SLC6A11: variants seen among roughly 807,000 people sequenced by gnomAD.
SLC6A11 encodes the protein solute carrier family 6 member 11, also known as sodium- and chloride-dependent GABA transporter 3.
In SLC6A11, 25 loss-of-function variants were observed where a neutral mutation model predicts 74.8. The ratio of observed to expected loss-of-function variants is 0.33; its 90% confidence interval spans 0.24 to 0.47. The LOEUF (loss-of-function observed/expected upper bound fraction) is 0.47. Among genes scored for constraint, SLC6A11 ranks in the 20% least tolerant of loss-of-function variants. The probability of loss-of-function intolerance (pLI) is 1.00; values close to 1 mark genes in which losing one functional copy is unlikely to be tolerated. For missense variants in SLC6A11, 574 were observed against 837.0 expected, an observed-to-expected ratio of 0.69 and a Z score of 3.88; for synonymous variants, 330 against 330.2, an observed-to-expected ratio of 1.00 and a Z score of 0.01.
At chr3:10,858,299 C>A (rs1008813642) in intron 5 of SLC6A11, among the ~76,000 whole-genome samples, 8 of 152,204 alleles carry the variant, frequency 5.3e-5, no homozygotes, top group African/African-American at 1.9e-4. Flanking sequence ...TTAAAAAAAT[C>A]TTCGAGGATA....
At chr3:10,889,715 T>C (rs1695085800) in intron 6 of SLC6A11, among the ~76,000 whole-genome samples, 1 of 152,212 alleles carries the variant, frequency 6.6e-6, no homozygotes, top group Non-Finnish European at 1.5e-5. Context: ...TGGTGGTTTT[T>C]ATACACATGA....
At chr3:10,917,461 A>T (rs1695473294) in intron 7 of SLC6A11, among the ~76,000 whole-genome samples, 1 of 151,974 alleles carries the variant, frequency 6.6e-6, no homozygotes, top group South Asian at 2.1e-4. Flanking sequence ...CCCCTATAAA[A>T]TGGGGTATTA....
chr3:10,932,410 C>T (rs1258044247), intron 10 of SLC6A11, among the ~76,000 whole-genome samples: 1 of 152,180 alleles, frequency 6.6e-6, no homozygotes, highest in Non-Finnish European at 1.5e-5. Context: ...CAGGATTTAA[C>T]TTACGTTTAT....
intron 4 of SLC6A11, among the ~76,000 whole-genome samples, chr3:10,837,029 G>A (rs901480987): frequency 2.0e-5 from 3 of 152,154 alleles, no homozygotes; most frequent in African/African-American, 7.2e-5. Context: ...TCTGGCCTGG[G>A]AGTCCCTGGT....
At chr3:10,830,763 G>T (rs1694285267) in intron 4 of SLC6A11, among the ~76,000 whole-genome samples, 1 of 152,286 alleles carries the variant, frequency 6.6e-6, no homozygotes, top group Non-Finnish European at 1.5e-5. Context: ...GGCAGTCAAA[G>T]AGCCTGGAGA....
chr3:10,861,986 G>A (rs763657903), intron 5 of SLC6A11, among the ~76,000 whole-genome samples: 4 of 152,178 alleles, frequency 2.6e-5, no homozygotes, highest in Non-Finnish European at 5.9e-5. Flanking sequence ...GAACAAGGCA[G>A]CACCTTGCTC....
chr3:10,818,234 A>G (rs1694090102), intron 1 of SLC6A11, among the ~76,000 whole-genome samples: 2 of 151,234 alleles, frequency 1.3e-5, no homozygotes, highest in South Asian at 4.2e-4. Context: ...CACAGGTCAA[A>G]AGGCTTTCTG....
intron 10 of SLC6A11, among the ~76,000 whole-genome samples, 190 bp downstream of exon 10, chr3:10,929,529 A>G (rs1214639459): frequency 6.6e-6 from 1 of 152,102 alleles, no homozygotes; most frequent in Non-Finnish European, 1.5e-5. Flanking sequence ...CAGTGTCTTC[A>G]TGTGCAAGTG....
At chr3:10,827,316 C>T (rs181751429) in intron 4 of SLC6A11, among the ~76,000 whole-genome samples, 49 of 152,294 alleles carry the variant, frequency 3.2e-4, no homozygotes, top group African/African-American at 1.1e-3. Context: ...TACTCCACCC[C>T]CTGAATGCTA....
intron 4 of SLC6A11, among the ~76,000 whole-genome samples, chr3:10,837,824 C>T (rs1052180182): frequency 2.0e-5 from 3 of 152,182 alleles, no homozygotes; most frequent in Admixed American, 2.0e-4. Flanking sequence ...TGGACTCTGT[C>T]GGAGTCCCCC....
At chr3:10,882,323 G>A (rs968860239) in intron 6 of SLC6A11, among the ~76,000 whole-genome samples, 2 of 152,134 alleles carry the variant, frequency 1.3e-5, no homozygotes, top group Non-Finnish European at 2.9e-5. Flanking sequence ...CTAACGGGGT[G>A]CCCGCCCGAC....
At chr3:10,870,518 A>T (rs1217464488) in intron 5 of SLC6A11, among the ~76,000 whole-genome samples, 1 of 152,228 alleles carries the variant, frequency 6.6e-6, no homozygotes, top group Non-Finnish European at 1.5e-5. Context: ...GAAGAGTGGC[A>T]GTATGTGTGT....
rs529509088 is a variant in SLC6A11, at chr3:10,827,458, G to A, written c.623+4066G>A. Among the ~76,000 whole-genome samples the A allele has an allele frequency of 3.3e-5, 5 of 152,268 alleles. No individual in the cohort carries two copies. In the East Asian group the frequency reaches 5.8e-4, roughly 18 times the overall value. Reference sequence around the variant, plus strand: ...ATTTCTGTGTGACAGTACTCTTCAAGTATTGGATCAAGCTTCCTCAAAAAC... The same window carrying A: ...ATTTCTGTGTGACAGTACTCTTCAAATATTGGATCAAGCTTCCTCAAAAAC... On this transcript the variant is annotated intron_variant, in intron 4 of 13. Coordinates refer to ENST00000254488, the MANE Select transcript of SLC6A11 (RefSeq NM_014229.3).
At chr3:10,841,803 CTG>C (rs139143228) in intron 4 of SLC6A11, among the ~76,000 whole-genome samples, 1 of 151,822 alleles carries the variant, frequency 6.6e-6, no homozygotes, top group Non-Finnish European at 1.5e-5. Context: ...AGGCACATGT[CTG>C]TGTGTGTGTG....
chr3:10,834,723 C>T (rs992275655), intron 4 of SLC6A11, among the ~76,000 whole-genome samples: 2 of 152,156 alleles, frequency 1.3e-5, no homozygotes, highest in African/African-American at 2.4e-5. Context: ...GCTGGGGCAA[C>T]CTGACCTTTT....
intron 13 of SLC6A11, among the ~76,000 whole-genome samples, chr3:10,936,103 TG>T (rs1271006657): frequency 6.6e-6 from 1 of 152,166 alleles, no homozygotes; most frequent in Admixed American, 6.5e-5. Context: ...ATGGTTTGAG[TG>T]GGTTTCTGCT....
rs1695775240 is a variant in SLC6A11 at position 10,937,762 on chromosome 3, A to ATG, written c.1747-488_1747-487insTG. 2.0e-5 allele frequency among the ~76,000 whole-genome samples: 3 copies of ATG among 152,166 alleles called. No individual in the cohort carries two copies. The South Asian group carries it at 6.2e-4, about 32-fold the overall frequency. On this transcript the variant is annotated intron_variant, in intron 13 of 13. Coordinates refer to ENST00000254488, the MANE Select transcript of SLC6A11 (RefSeq NM_014229.3). ...TCTACCTTTGAGCACAGCTGGAGGAACACCCAACACACACTACACCTTCCC... is the reference window on the plus strand; with the variant it reads ...TCTACCTTTGAGCACAGCTGGAGGAATGCACCCAACACACACTACACCTTCCC...
chr3:10,879,710 A>G (rs1479423252), intron 6 of SLC6A11, among the ~76,000 whole-genome samples: 1 of 152,174 alleles, frequency 6.6e-6, no homozygotes, highest in Non-Finnish European at 1.5e-5. Flanking sequence ...CTTTATTGCT[A>G]TTATTGCTAG....
chr3:10,905,241 T>C (rs2629131), intron 6 of SLC6A11, among the ~76,000 whole-genome samples: 107,575 of 152,158 alleles, frequency 0.71, 39,454 homozygotes, highest in African/African-American at 0.89. Context: ...AATGGGAAGA[T>C]GACATTCCCC....
Sources: allele counts gnomAD v4.1 joint callset (sites outside exome capture counted in the v4.1 genomes callset), GRCh38; gene constraint gnomAD v4.1.1; transcripts MANE v1.5; gene names NCBI Gene and HGNC (gene_info 2026-07-23, HGNC 2026-07-21).